CFAP54: variants seen among roughly 807,000 people sequenced by gnomAD.
The protein encoded by CFAP54 is cilia- and flagella-associated protein 54.
Under a neutral mutation model 370.4 loss-of-function variants are expected in CFAP54, and 290 were observed. That is an observed-to-expected ratio of 0.78 (90% CI 0.71 to 0.86). CFAP54 has a LOEUF of 0.86. Ranked by LOEUF, CFAP54 falls within the 40% of genes least tolerant of loss-of-function variation. CFAP54 has a pLI of 0.00. For synonymous variants in CFAP54, 1,206 were observed against 1,236.5 expected (o/e 0.98, Z 0.52); for missense variants, 3,399 against 3,528.7 (o/e 0.96, Z 0.93).
intron 26 of CFAP54, among the ~76,000 whole-genome samples, chr12:96,614,622 C>T (rs1956395834): frequency 6.6e-6 from 1 of 152,240 alleles, no homozygotes; most frequent in East Asian, 1.9e-4. Flanking sequence ...ACCTCATCAT[C>T]TCAGCCCAAA....
chr12:96,494,089 A>G (rs1261824491), intron 1 of CFAP54, among the ~76,000 whole-genome samples: 2 of 152,138 alleles, frequency 1.3e-5, no homozygotes, highest in Non-Finnish European at 2.9e-5. Flanking sequence ...GAGGATGAAT[A>G]GGGGGACAAA....
chr12:96,587,525 A>T (rs1956085074), intron 22 of CFAP54, among the ~76,000 whole-genome samples: 1 of 152,188 alleles, frequency 6.6e-6, no homozygotes, highest in South Asian at 2.1e-4. Context: ...TACCAGGACC[A>T]GGTTAACCAT....
At chr12:96,612,646 C>T (rs1207824248) in intron 26 of CFAP54, among the ~76,000 whole-genome samples, 2 of 152,168 alleles carry the variant, frequency 1.3e-5, no homozygotes, top group African/African-American at 2.4e-5. Context: ...GGAGACCCAT[C>T]TCACATGCGG....
chr12:96,770,684 GGCACCT>G (rs900355926), intron 60 of CFAP54, among the ~76,000 whole-genome samples: 24 of 152,196 alleles, frequency 1.6e-4, no homozygotes, highest in Non-Finnish European at 2.9e-5. Flanking sequence ...GGGGATGAGT[GGCACCT>G]GATGCTGTGT....
At chr12:96,828,726 G>A (rs888334660) in intron 65 of CFAP54, among the ~76,000 whole-genome samples, 4 of 152,044 alleles carry the variant, frequency 2.6e-5, no homozygotes, top group Non-Finnish European at 5.9e-5. Context: ...CCCTTTCAGG[G>A]ATCTGAAACT....
intron 66 of CFAP54, among the ~76,000 whole-genome samples, chr12:96,839,196 C>A (rs1959196701): frequency 1.3e-5 from 2 of 152,168 alleles, no homozygotes; most frequent in Admixed American, 6.5e-5. Flanking sequence ...CTTGTTTAAT[C>A]TCAATGCTTT....
chr12:96,849,779 TCTTA>T (rs963387162), intron 66 of CFAP54, among the ~76,000 whole-genome samples: 1 of 152,130 alleles, frequency 6.6e-6, no homozygotes, highest in Non-Finnish European at 1.5e-5. Context: ...TTTCCCTTCT[TCTTA>T]CTATTTCAGA....
intron 28 of CFAP54, among the ~76,000 whole-genome samples, chr12:96,624,856 T>C (rs1956534150): frequency 6.6e-6 from 1 of 152,208 alleles, no homozygotes; most frequent in Admixed American, 6.5e-5. Context: ...AACTAAGAAT[T>C]TGATTATTCC....
intron 50 of CFAP54, among the ~76,000 whole-genome samples, chr12:96,725,504 T>G (rs1162026792): frequency 2.0e-5 from 3 of 152,132 alleles, no homozygotes; most frequent in Non-Finnish European, 2.9e-5. Context: ...TAAGAATGCT[T>G]GTGATTTTTG....
chr12:96,560,811 C>T (rs1955806579), intron 17 of CFAP54, among the ~76,000 whole-genome samples: 1 of 152,146 alleles, frequency 6.6e-6, no homozygotes, highest in African/African-American at 2.4e-5. Context: ...TATCCTGTTC[C>T]CCAACAGACT....
rs958429021 is a variant in CFAP54, at chr12:96,801,060, C to T, written c.8850+8561C>T. ...AGGGACAAAAAGAATCATTGTGTGA[C>T]GATGCAATTTAACATCCCTTGATCC... On this transcript the variant is annotated intron_variant, in intron 63 of 67. Coordinates refer to ENST00000524981, the MANE Select transcript of CFAP54 (RefSeq NM_001306084.2). Among the ~76,000 whole-genome samples, 17 of 152,254 alleles carry T rather than the reference C, an allele frequency of 1.1e-4. No homozygotes were observed. In the East Asian group the frequency reaches 1.9e-3, roughly 17 times the overall value.
intron 14 of CFAP54, among the ~76,000 whole-genome samples, chr12:96,542,538 G>T (rs7966681): frequency 6.6e-6 from 1 of 151,972 alleles, no homozygotes; most frequent in Non-Finnish European, 1.5e-5. Flanking sequence ...TGCATCGTCC[G>T]GCACCAATAA....
chr12:96,635,761 A>C (rs528730647), intron 32 of CFAP54, among the ~76,000 whole-genome samples: 2 of 152,350 alleles, frequency 1.3e-5, no homozygotes, highest in African/African-American at 4.8e-5. Context: ...CACAAAACTC[A>C]GAAAAACACT....
chr12:96,627,497 TGG>T lies in CFAP54; in HGVS notation c.4103+560_4103+561del, dbSNP rs1482506491. ...CAACTTTTCTTTTATCAACTGAGAG[TGG>T]GCTTTTCTTCACTGGGCATTGATCT... On this transcript the variant is annotated intron_variant, in intron 30 of 67. Transcript: ENST00000524981. Among the ~76,000 whole-genome samples, 7 of 152,260 alleles carry T rather than the reference TGG, an allele frequency of 4.6e-5. No homozygotes were observed. In the East Asian group the frequency reaches 1.3e-3, roughly 29 times the overall value.
intron 17 of CFAP54, among the ~76,000 whole-genome samples, chr12:96,563,144 C>T (rs765755503): frequency 6.6e-6 from 1 of 152,066 alleles, no homozygotes; most frequent in East Asian, 1.9e-4. Context: ...ATACCTCGTT[C>T]TCTAATTGTC....
intron 46 of CFAP54, among the ~76,000 whole-genome samples, chr12:96,701,796 C>G (rs1347673123): frequency 6.6e-6 from 1 of 151,326 alleles, no homozygotes; most frequent in African/African-American, 2.5e-5. Context: ...GAGGAGGGAC[C>G]TAGGAGTCAG....
At chr12:96,656,309 C>G (rs950769040) in intron 36 of CFAP54, among the ~76,000 whole-genome samples, 11 of 151,958 alleles carry the variant, frequency 7.2e-5, no homozygotes, top group African/African-American at 2.7e-4. Flanking sequence ...CTCCCCCCCC[C>G]TCCCCTTTTG....
In CFAP54 at chr12:96,743,425, A is replaced by T. The variant is rs760066449; in HGVS notation, c.7243A>T (p.Ser2415Cys). The change falls in exon 53 of 68, where the codon AGC (serine) becomes TGC (cysteine). Residue 2415 changes from serine (S) to cysteine (C), a missense_variant. Ser to Cys is a moderately radical substitution (Grantham distance 112, BLOSUM62 -1). This residue lies in a region of CFAP54 where 2,796 missense variants were observed against 2,869.7 expected (regional missense o/e 0.97). Coordinates refer to ENST00000524981, the MANE Select transcript of CFAP54 (RefSeq NM_001306084.2). ...VKEDDMTDCL[S>C]LINEVCMEAK... ...AGAGGATGATATGACAGATTGCCTG[A>T]GCCTCATCAATGAAGTGTGTATGGA... The T allele has an allele frequency of 4.9e-5, 79 of 1,614,026 alleles. No homozygotes were observed. The highest frequency in any genetic ancestry group is 3.3e-4 in the Middle Eastern group (2 of 6,058).
At chr12:96,587,510 A>G (rs1168529551) in intron 22 of CFAP54, among the ~76,000 whole-genome samples, 1 of 152,176 alleles carries the variant, frequency 6.6e-6, no homozygotes, top group Non-Finnish European at 1.5e-5. Context: ...TGTTCTGCAC[A>G]TCACTACCAG....
Sources: allele counts gnomAD v4.1 joint callset (sites outside exome capture counted in the v4.1 genomes callset), GRCh38; gene constraint gnomAD v4.1.1; regional missense constraint gnomAD v4.1.1; transcripts MANE v1.5; gene names NCBI Gene and HGNC (gene_info 2026-07-23, HGNC 2026-07-21).